SLC24A2: variants seen among roughly 807,000 people sequenced by gnomAD.
SLC24A2 encodes sodium/potassium/calcium exchanger 2.
In SLC24A2, 36 loss-of-function variants were observed where a neutral mutation model predicts 62.0. The ratio of observed to expected loss-of-function variants is 0.58; its 90% confidence interval spans 0.44 to 0.77. The LOEUF is 0.77. Among genes scored for constraint, SLC24A2 ranks in the 30% least tolerant of loss-of-function variants. The probability of loss-of-function intolerance (pLI) is 0.00; values close to 1 mark genes in which losing one functional copy is unlikely to be tolerated. For synonymous variants in SLC24A2, 358 were observed against 294.0 expected (o/e 1.22, Z -2.23); for missense variants, 846 against 817.9 (o/e 1.03, Z -0.42).
chr9:19,815,924 T>C, the SLC24A2 span, among the ~76,000 whole-genome samples: 1 of 150,836 alleles, frequency 6.6e-6, no homozygotes, highest in Non-Finnish European at 1.5e-5. Context: ...AATTCCATGT[T>C]GGGACAGGTG....
the SLC24A2 span, among the ~76,000 whole-genome samples, chr9:19,848,266 T>G: frequency 6.6e-6 from 1 of 152,246 alleles, no homozygotes; most frequent in East Asian, 1.9e-4. Context: ...GAGGAAGCAC[T>G]GATAGAGGAA....
At chr9:20,073,094 C>T in the SLC24A2 span, among the ~76,000 whole-genome samples, 1 of 152,124 alleles carries the variant, frequency 6.6e-6, no homozygotes, top group Non-Finnish European at 1.5e-5. Context: ...TATGTATTAT[C>T]TCCGTTTTTG....
At chr9:20,153,460 C>A in the SLC24A2 span, among the ~76,000 whole-genome samples, 2 of 151,846 alleles carry the variant, frequency 1.3e-5, no homozygotes, top group Non-Finnish European at 2.9e-5. Context: ...TTAGGACTTA[C>A]CACGTGTTTC....
chr9:20,007,391 T>C, the SLC24A2 span, among the ~76,000 whole-genome samples: 1 of 152,124 alleles, frequency 6.6e-6, no homozygotes, highest in Non-Finnish European at 1.5e-5. Context: ...ATGTCTGCCT[T>C]GGCAAGGGAA....
At chr9:19,600,564 A>G (rs1411201208) in intron 4 of SLC24A2, among the ~76,000 whole-genome samples, 2 of 152,208 alleles carry the variant, frequency 1.3e-5, no homozygotes, top group African/African-American at 4.8e-5. Flanking sequence ...ACAGTGAACA[A>G]TAATGTGTGG....
intron 4 of SLC24A2, among the ~76,000 whole-genome samples, chr9:19,602,597 G>C (rs942208532): frequency 3.3e-5 from 5 of 152,114 alleles, no homozygotes; most frequent in Non-Finnish European, 7.4e-5. Context: ...AAGATATTAG[G>C]TTTTGGTTTT....
the SLC24A2 span, among the ~76,000 whole-genome samples, chr9:20,190,242 G>GA: frequency 6.6e-6 from 1 of 152,118 alleles, no homozygotes; most frequent in Non-Finnish European, 1.5e-5. Flanking sequence ...GCTTGGAAGG[G>GA]ACTATGCCAG....
At chr9:20,192,372 G>A in the SLC24A2 span, among the ~76,000 whole-genome samples, 759 of 149,574 alleles carry the variant, frequency 5.1e-3, 5 homozygotes, top group Admixed American at 0.022. Context: ...TTTTAAATTG[G>A]GAAGATATAT....
intron 7 of SLC24A2, among the ~76,000 whole-genome samples, chr9:19,553,898 T>C (rs1329339264): frequency 1.3e-5 from 2 of 152,234 alleles, no homozygotes; most frequent in Non-Finnish European, 2.9e-5. Context: ...TGTCTTCCCG[T>C]ATCTATTCTG....
At chr9:20,184,382 T>C in the SLC24A2 span, among the ~76,000 whole-genome samples, 1 of 151,846 alleles carries the variant, frequency 6.6e-6, no homozygotes, top group African/African-American at 2.4e-5. Context: ...AAACCCTGTC[T>C]CTACTAAAAT....
At chr9:19,944,154 G>A in the SLC24A2 span, among the ~76,000 whole-genome samples, 1 of 152,066 alleles carries the variant, frequency 6.6e-6, no homozygotes, top group Admixed American at 6.6e-5. Context: ...TAACGTTTGG[G>A]TACAATGCTC....
At chr9:19,625,966 T>G (rs1818024431) in intron 2 of SLC24A2, among the ~76,000 whole-genome samples, 8 of 152,058 alleles carry the variant, frequency 5.3e-5, no homozygotes. Flanking sequence ...GGATTACAAG[T>G]GTGAGCCACC....
chr9:19,998,068 C>G, the SLC24A2 span, among the ~76,000 whole-genome samples: 1 of 152,168 alleles, frequency 6.6e-6, no homozygotes, highest in African/African-American at 2.4e-5. Context: ...GCATCTCTCA[C>G]TATTTAGCAC....
At chr9:19,670,422 T>C (rs1819381466) in intron 2 of SLC24A2, among the ~76,000 whole-genome samples, 1 of 152,212 alleles carries the variant, frequency 6.6e-6, no homozygotes, top group Non-Finnish European at 1.5e-5. Context: ...TCTATCAACC[T>C]GGGAAGTGAA....
chr9:20,181,601 G>A, the SLC24A2 span, among the ~76,000 whole-genome samples: 1 of 152,176 alleles, frequency 6.6e-6, no homozygotes, highest in Non-Finnish European at 1.5e-5. Flanking sequence ...GCTGACACTG[G>A]ATCCCTTCCT....
the SLC24A2 span, among the ~76,000 whole-genome samples, chr9:20,105,967 G>T: frequency 6.6e-6 from 1 of 151,974 alleles, no homozygotes; most frequent in Non-Finnish European, 1.5e-5. Context: ...TAATAAAGAA[G>T]AAAAGAGAGA....
the SLC24A2 span, chr9:19,927,456 A>T: frequency 3.3e-5 from 5 of 152,232 alleles, no homozygotes; most frequent in African/African-American, 1.2e-4. Context: ...TTGACCATAT[A>T]AAGTACCTCT....
chr9:19,634,576 C>T (rs1400366885), intron 2 of SLC24A2, among the ~76,000 whole-genome samples: 1 of 152,206 alleles, frequency 6.6e-6, no homozygotes, highest in Non-Finnish European at 1.5e-5. Flanking sequence ...GCCTGAACCA[C>T]TGCGCCCGGC....
intron 2 of SLC24A2, among the ~76,000 whole-genome samples, chr9:19,666,400 T>G (rs768854094): frequency 2.9e-4 from 44 of 152,168 alleles, no homozygotes; most frequent in Non-Finnish European, 5.7e-4. Flanking sequence ...AGTGAGACAC[T>G]GTTTTAAAAA....
Sources: allele counts gnomAD v4.1 joint callset (sites outside exome capture counted in the v4.1 genomes callset), GRCh38; gene constraint gnomAD v4.1.1; transcripts MANE v1.5; gene names NCBI Gene and HGNC (gene_info 2026-07-23, HGNC 2026-07-21).